Variants in PRKCD observed in about 807,000 individuals in gnomAD.
The protein encoded by PRKCD is protein kinase C delta.
PRKCD carries 20 observed loss-of-function variants against 82.2 expected under a neutral mutation model. The ratio of observed to expected loss-of-function variants is 0.24; its 90% CI spans 0.17 to 0.35. PRKCD has a LOEUF of 0.35. PRKCD is among the 10% of genes least tolerant of loss of function. The pLI is 1.00. For missense variants in PRKCD, 607 were observed against 899.0 expected, an observed-to-expected ratio of 0.68 and a Z score of 4.15; for synonymous variants, 317 against 337.0, an observed-to-expected ratio of 0.94 and a Z score of 0.65.
chr3:53,166,548 G>A (rs1285171006), intron 2 of PRKCD, among the ~76,000 whole-genome samples: 2 of 152,208 alleles, frequency 1.3e-5, no homozygotes, highest in East Asian at 3.8e-4. Context: ...CAGGTACACA[G>A]GTGCTCACAT....
chr3:53,192,348 G>T lies in PRKCD; in HGVS notation c.*82G>T. The T allele has an allele frequency of 6.5e-7, 1 of 1,530,298 alleles. No homozygotes were observed. The highest frequency in any genetic ancestry group is 1.2e-5 in the South Asian group (1 of 86,542). 94.8% of individuals were successfully genotyped at this position (1,530,298 alleles called of 1,614,324 possible). A position where few individuals can be genotyped will look rare whatever the true frequency, so the allele number is the denominator to read the frequency against. On this transcript the variant is annotated 3_prime_UTR_variant, in exon 19 of 19. Coordinates refer to ENST00000330452, the MANE Select transcript of PRKCD (RefSeq NM_006254.4). ...CGATAAGCACCAGTGGGACTGTGGT[G>T]ACTTCTGCTGCTGGCCCCGCCCCTG...
intron 8 of PRKCD, 47 bp downstream of exon 8, chr3:53,183,253 A>G (rs1553668192): frequency 6.2e-7 from 1 of 1,602,166 alleles, no homozygotes; most frequent in East Asian, 2.2e-5. Context: ...GGGCTTGGCC[A>G]GATGGGAGGG....
intron 2 of PRKCD, among the ~76,000 whole-genome samples, chr3:53,177,795 G>A (rs1452880502): frequency 1.3e-5 from 2 of 152,066 alleles, no homozygotes; most frequent in Non-Finnish European, 2.9e-5. Flanking sequence ...TGAAGAGAGT[G>A]CCCCTGGCCT....
At position 53,181,277 on chromosome 3, in the gene PRKCD, C is replaced by A; in HGVS notation, c.376+10C>A. Reference sequence around the variant, plus strand: ...TTCCTGGAGGACGTGGGTAAGAACTCCCTGGGGGTGGAGGGCTCCCTTGCC... The same window carrying A: ...TTCCTGGAGGACGTGGGTAAGAACTACCTGGGGGTGGAGGGCTCCCTTGCC... On this transcript the variant is annotated intron_variant, in intron 5 of 18. Transcript: ENST00000330452. The A allele has an allele frequency of 6.2e-7, 1 of 1,613,604 alleles. No individual in the cohort carries two copies. Among genetic ancestry groups the A allele is most frequent in the Non-Finnish European group, 8.5e-7 (1 of 1,179,774 alleles).
Position 53,192,265 on chromosome 3 carries a change from G to A in PRKCD, c.2030G>A (p.Ter677=). ...AAATTCGAGCACCTCCTGGAAGATTGAGGTTCCTGGACAGATCAGGCTAGC... is the reference window on the plus strand; with the variant it reads ...AAATTCGAGCACCTCCTGGAAGATTAAGGTTCCTGGACAGATCAGGCTAGC... ...NPKFEHLLED[*] The change falls in exon 19 of 19, where the codon TGA becomes TAA. Residue 677 remains the stop codon, a stop_retained_variant. Transcript: ENST00000330452. 6.2e-7 allele frequency: 1 copy of A among 1,613,972 alleles called. No homozygotes were observed. Among genetic ancestry groups the A allele is most frequent in the Non-Finnish European group, 8.5e-7 (1 of 1,179,954 alleles).
chr3:53,179,699 C>A lies in PRKCD; in HGVS notation c.238C>A (p.Pro80Thr). ...QIVLMRAAEE[P>T]VSEVTVGVSV... Reference sequence around the variant, plus strand: ...TGTGCTAATGCGGGCAGCAGAGGAGCCAGTGTCTGAGGTGACCGTGGGTGT... The same window carrying A: ...TGTGCTAATGCGGGCAGCAGAGGAGACAGTGTCTGAGGTGACCGTGGGTGT... Residue 80 changes from proline (P) to threonine (T), a missense_variant, in exon 4 of 19, where the codon CCA (proline) becomes ACA (threonine). Around this residue, in one of 5 missense-constraint regions of PRKCD, gnomAD observed 161 missense variants for 227.0 expected, o/e 0.71. Coordinates refer to ENST00000330452, the MANE Select transcript of PRKCD (RefSeq NM_006254.4). 6.2e-7 allele frequency: 1 copy of A among 1,609,778 alleles called. No homozygotes were observed. Among genetic ancestry groups the A allele is most frequent in the Non-Finnish European group, 8.5e-7 (1 of 1,177,560 alleles).
intron 4 of PRKCD, 34 bp downstream of exon 4, chr3:53,179,810 GTGTGTGTGTC>G (rs781852769): frequency 5.2e-6 from 8 of 1,549,550 alleles, no homozygotes; most frequent in African/African-American, 1.4e-5. Flanking sequence ...GTGTGTGTGT[GTGTGTGTGTC>G]TGTGTGTGTG....
At chr3:53,170,143 A>C (rs1702969424) in intron 2 of PRKCD, among the ~76,000 whole-genome samples, 1 of 73,724 alleles carries the variant, frequency 1.4e-5, no homozygotes, top group South Asian at 4.3e-4. Flanking sequence ...AAATCGTGGG[A>C]ACTCTGTGGG....
intron 2 of PRKCD, among the ~76,000 whole-genome samples, chr3:53,172,774 G>A (rs1037729769): frequency 2.0e-5 from 3 of 152,152 alleles, no homozygotes; most frequent in South Asian, 2.1e-4. Context: ...TCCCATAGAC[G>A]TTTCTGAGGC....
intron 2 of PRKCD, among the ~76,000 whole-genome samples, chr3:53,174,134 A>G (rs1358580264): frequency 6.6e-6 from 1 of 152,218 alleles, no homozygotes; most frequent in Non-Finnish European, 1.5e-5. Context: ...GGATCCGCAT[A>G]GGGATAACGT....
chr3:53,186,636 C>A lies in PRKCD; in HGVS notation c.1293C>A (p.Asn431Lys). 1.2e-6 allele frequency: 2 copies of A among 1,613,782 alleles called. No homozygotes were observed. The highest frequency in any genetic ancestry group is 1.1e-5 in the South Asian group (1 of 91,044). Reference protein sequence around the residue: ...DHLFFVMEFLNGGDLMYHIQD... With the variant: ...DHLFFVMEFLKGGDLMYHIQD... ...TGTTCTTTGTGATGGAGTTCCTCAA[C>A]GGGGGGGACCTGATGTACCACATCC... The change falls in exon 14 of 19, where the codon AAC becomes AAA. Residue 431 changes from asparagine (N) to lysine (K), a missense_variant. Transcript: ENST00000330452.
At chr3:53,185,866 C>CG in intron 11 of PRKCD, 61 bp from the exon 12 acceptor site, 2 of 1,580,974 alleles carry the variant, frequency 1.3e-6, no homozygotes, top group South Asian at 2.2e-5. Context: ...CCCCAGGCCC[C>CG]GGGGGAGGGG....
At chr3:53,183,343 T>C in intron 8 of PRKCD, 109 bp from the exon 9 acceptor site, 3 of 1,569,012 alleles carry the variant, frequency 1.9e-6, no homozygotes, top group East Asian at 2.3e-5. Flanking sequence ...CCTCTCCCAG[T>C]GGAGCTCTCT....
In PRKCD at chr3:53,179,791, A is replaced by G. The variant is rs782618205; in HGVS notation, c.315+15A>G. ...CTGAGTTCTGGGTAAGGGGCGCACG[A>G]GCCGTGCCGTGTGTGTGTGTGTGTG... On this transcript the variant is annotated intron_variant, in intron 4 of 18. Coordinates refer to ENST00000330452, the MANE Select transcript of PRKCD (RefSeq NM_006254.4). The G allele has an allele frequency of 2.5e-5, 39 of 1,542,026 alleles. No individual in the cohort carries two copies. Among genetic ancestry groups the G allele is most frequent in the Non-Finnish European group, 3.4e-5 (39 of 1,143,706 alleles).
chr3:53,181,592 C>T lies in PRKCD; in HGVS notation c.525C>T (p.Cys175=), dbSNP rs1559624861. The T allele has an allele frequency of 6.2e-7, 1 of 1,614,250 alleles. No individual in the cohort carries two copies. Reference sequence around the variant, plus strand: ...GGCAACCCACCTTCTGTTCTGTGTGCAAAGACTTTGTCTGGTGAGAACCGG... The same window carrying T: ...GGCAACCCACCTTCTGTTCTGTGTGTAAAGACTTTGTCTGGTGAGAACCGG... ...FFGQPTFCSV[C]KDFVWGLNKQ... Residue 175 remains cysteine, a synonymous_variant, in exon 6 of 19, where the codon TGC becomes TGT. Coordinates refer to ENST00000330452, the MANE Select transcript of PRKCD (RefSeq NM_006254.4).
rs1553668629 is a variant in PRKCD, at chr3:53,184,878, C to T, written c.792C>T (p.Cys264=). 6.2e-6 allele frequency: 10 copies of T among 1,613,450 alleles called. No homozygotes were observed. The highest frequency in any genetic ancestry group is 2.2e-5 in the East Asian group (1 of 44,870). The change falls in exon 10 of 19, where the codon TGC becomes TGT. Residue 264 remains cysteine (C), a synonymous_variant. Transcript: ENST00000330452. ...CCCGCTTCTCCCTCACCCCAGACTGCGGCATGAATGTGCACCATAAATGCC... is the reference window on the plus strand; with the variant it reads ...CCCGCTTCTCCCTCACCCCAGACTGTGGCATGAATGTGCACCATAAATGCC... ...LVKQGLKCED[C]GMNVHHKCRE...
At chr3:53,171,400 C>T (rs1351546802) in intron 2 of PRKCD, among the ~76,000 whole-genome samples, 1 of 152,232 alleles carries the variant, frequency 6.6e-6, no homozygotes, top group African/African-American at 2.4e-5. Flanking sequence ...CTTCCAGACC[C>T]TCTGGCAGGG....
At position 53,186,281 on chromosome 3, in the gene PRKCD, C is replaced by T. The variant is rs2107277772; in HGVS notation, c.1201C>T (p.Leu401=). The change falls in exon 13 of 19, where the codon CTG becomes TTG. Residue 401 remains leucine (L), a synonymous_variant. Transcript: ENST00000330452. ...GTGCACCATGGTTGAGAAGCGGGTG[C>T]TGACACTTGCCGCAGAGAATCCCTT... ...VECTMVEKRV[L]TLAAENPFLT... 5 of 1,614,188 alleles carry T rather than the reference C, an allele frequency of 3.1e-6. No homozygotes were observed. The highest frequency in any genetic ancestry group is 4.2e-6 in the Non-Finnish European group (5 of 1,180,012).
intron 4 of PRKCD, 100 bp from the exon 5 acceptor site, chr3:53,181,107 T>A: frequency 1.5e-6 from 2 of 1,339,802 alleles, no homozygotes; most frequent in Non-Finnish European, 2.1e-6. Flanking sequence ...GGGGGCTGCC[T>A]TGGCCTTGGG....
Sources: gnomAD v4.1 joint callset for allele counts (sites outside exome capture counted in the v4.1 genomes callset) on GRCh38, gnomAD v4.1.1 for gene constraint, gnomAD v4.1.1 regional missense constraint, MANE v1.5 for transcripts, NCBI Gene and HGNC (gene_info 2026-07-23, HGNC 2026-07-21) for gene names.